Variants in ARSB observed in about 807,000 individuals in gnomAD.
ARSB encodes the protein arylsulfatase B.
A neutral mutation model predicts 50.9 loss-of-function variants in ARSB; 41 were observed. That is an observed-to-expected ratio of 0.81 (90% CI 0.63 to 1.04). ARSB has a LOEUF of 1.04. Ranked by LOEUF, ARSB falls within the 50% of genes least tolerant of loss-of-function variation. ARSB has a pLI of 0.00. For missense variants in ARSB, 672 were observed against 693.3 expected (o/e 0.97, Z 0.35); for synonymous variants, 269 against 284.8 (o/e 0.94, Z 0.56).
chr5:78,962,694 T>G (rs954037713), intron 3 of ARSB, among the ~76,000 whole-genome samples: 3 of 151,934 alleles, frequency 2.0e-5, no homozygotes, highest in African/African-American at 7.3e-5. Flanking sequence ...ACCCGGCTAA[T>G]TTTTTTTGTA....
chr5:78,848,841 C>T (rs571945014), intron 5 of ARSB, among the ~76,000 whole-genome samples: 69 of 152,188 alleles, frequency 4.5e-4, no homozygotes, highest in African/African-American at 1.1e-3. Flanking sequence ...CATTTTTTCA[C>T]GTGTCTTTTG....
chr5:78,906,971 C>G (rs1022719118), intron 4 of ARSB, among the ~76,000 whole-genome samples: 1 of 152,170 alleles, frequency 6.6e-6, no homozygotes, highest in Non-Finnish European at 1.5e-5. Flanking sequence ...CTGCTAGGTG[C>G]CCGCTACTCT....
chr5:78,951,163 G>C (rs1360717238), intron 4 of ARSB, among the ~76,000 whole-genome samples: 8 of 152,096 alleles, frequency 5.3e-5, no homozygotes, highest in Non-Finnish European at 1.2e-4. Context: ...AGGATCACTT[G>C]AGCCCAGGAG....
chr5:78,944,502 G>T (rs1339482722), intron 4 of ARSB, among the ~76,000 whole-genome samples: 1 of 152,194 alleles, frequency 6.6e-6, no homozygotes, highest in Non-Finnish European at 1.5e-5. Flanking sequence ...TAACAGTCAG[G>T]ACCGTCAGCT....
chr5:78,901,739 T>C (rs892394896), intron 4 of ARSB, among the ~76,000 whole-genome samples: 1 of 152,172 alleles, frequency 6.6e-6, no homozygotes, highest in African/African-American at 2.4e-5. Context: ...CTAAAGAAGA[T>C]ACACAAAAAT....
At chr5:78,871,515 A>C (rs2077480279) in intron 5 of ARSB, among the ~76,000 whole-genome samples, 1 of 150,770 alleles carries the variant, frequency 6.6e-6, no homozygotes, top group Non-Finnish European at 1.5e-5. Context: ...AACGCCGCTT[A>C]CCTACAACTA....
intron 5 of ARSB, among the ~76,000 whole-genome samples, chr5:78,855,133 GCT>G (rs1323607506): frequency 2.6e-5 from 4 of 152,334 alleles, no homozygotes; most frequent in Non-Finnish European, 5.9e-5. Context: ...CTCAGCCACT[GCT>G]CTGTTTCCCT....
chr5:78,819,838 C>T (rs1270233769), intron 6 of ARSB, among the ~76,000 whole-genome samples: 1 of 152,234 alleles, frequency 6.6e-6, no homozygotes, highest in Non-Finnish European at 1.5e-5. Context: ...GCAAATGGCA[C>T]AGAAGGGCCA....
At chr5:78,848,590 T>G (rs557118240) in intron 5 of ARSB, among the ~76,000 whole-genome samples, 153 of 151,688 alleles carry the variant, frequency 1.0e-3, no homozygotes, top group African/African-American at 3.6e-3. Context: ...CGTAATGGGA[T>G]GGCTGGGTCA....
intron 5 of ARSB, among the ~76,000 whole-genome samples, chr5:78,881,737 T>C (rs1747755302): frequency 6.6e-6 from 1 of 152,258 alleles, no homozygotes; most frequent in Non-Finnish European, 1.5e-5. Context: ...TGATACAGCC[T>C]TTTTAGAAAG....
At chr5:78,866,865 G>A (rs1349172364) in intron 5 of ARSB, among the ~76,000 whole-genome samples, 2 of 152,252 alleles carry the variant, frequency 1.3e-5, no homozygotes, top group Admixed American at 1.3e-4. Flanking sequence ...CAGCATGAGC[G>A]ACGCAGAAGA....
chr5:78,795,411 G>C (rs567598864), intron 6 of ARSB, among the ~76,000 whole-genome samples: 11 of 152,296 alleles, frequency 7.2e-5, no homozygotes, highest in African/African-American at 2.6e-4. Context: ...TGGGGAGGAG[G>C]GGGCTGGCTT....
At chr5:78,786,558 GTT>G (rs375481992) in intron 6 of ARSB, among the ~76,000 whole-genome samples, 222 of 152,290 alleles carry the variant, frequency 1.5e-3, no homozygotes, top group African/African-American at 5.2e-3. Context: ...GTAAGTCTAT[GTT>G]TAACCTTTCG....
In ARSB at chr5:78,780,511, T is replaced by C. The variant is rs1233444230; in HGVS notation, c.1488A>G (p.Thr496=). 8.7e-6 allele frequency: 14 copies of C among 1,613,982 alleles called. No individual in the cohort carries two copies. Among genetic ancestry groups the C allele is most frequent in the Non-Finnish European group, 1.2e-5 (14 of 1,180,012 alleles). Residue 496 remains threonine (T), a synonymous_variant, in exon 8 of 8, where the codon ACA becomes ACG. Coordinates refer to ENST00000264914, the MANE Select transcript of ARSB (RefSeq NM_000046.5). ...DLSREYPHIV[T]KLLSRLQFYH... ...AGAACTGTAGGCGGGACAGGAGCTT[T>C]GTGACGATGTGAGGATATTCTCTGG... is the stretch of plus-strand genomic sequence containing the variant.
At chr5:78,840,274 A>G (rs75289107) in intron 5 of ARSB, among the ~76,000 whole-genome samples, 24,309 of 152,172 alleles carry the variant, frequency 0.16, 2,026 homozygotes, top group Middle Eastern at 0.2. Context: ...AATACAGTTC[A>G]GCTAAGTACT....
chr5:78,864,521 G>A (rs186550835), intron 5 of ARSB, among the ~76,000 whole-genome samples: 1 of 152,238 alleles, frequency 6.6e-6, no homozygotes, highest in Non-Finnish European at 1.5e-5. Flanking sequence ...AGTTCCAGAT[G>A]AGATCTGGTG....
chr5:78,983,681 T>C (rs902210535), intron 1 of ARSB, among the ~76,000 whole-genome samples: 2 of 152,188 alleles, frequency 1.3e-5, no homozygotes, highest in African/African-American at 4.8e-5. Context: ...TTTCTAACCT[T>C]GGCTACAGCT....
At chr5:78,937,983 C>T (rs1463753146) in intron 4 of ARSB, among the ~76,000 whole-genome samples, 2 of 152,178 alleles carry the variant, frequency 1.3e-5, no homozygotes, top group Non-Finnish European at 2.9e-5. Context: ...ACACCCCCCA[C>T]CCACTGTGGC....
intron 4 of ARSB, among the ~76,000 whole-genome samples, chr5:78,921,160 T>A (rs959968965): frequency 2.6e-5 from 4 of 152,148 alleles, no homozygotes; most frequent in African/African-American, 9.7e-5. Flanking sequence ...ATCCCAGAGT[T>A]GTATCCTAGA....
Sources: allele counts gnomAD v4.1 joint callset (sites outside exome capture counted in the v4.1 genomes callset), GRCh38; gene constraint gnomAD v4.1.1; transcripts MANE v1.5; gene names NCBI Gene and HGNC (gene_info 2026-07-23, HGNC 2026-07-21).